LRP1B: variants seen among roughly 807,000 people sequenced by gnomAD.
The protein encoded by LRP1B is low-density lipoprotein receptor-related protein 1B.
LRP1B carries 217 observed loss-of-function variants against 556.6 expected under a neutral mutation model. The observed-to-expected ratio is 0.39, with a 90% CI of 0.35 to 0.44. The LOEUF is 0.44. Among genes scored for constraint, LRP1B ranks in the 20% least tolerant of loss-of-function variants. The probability of loss-of-function intolerance (pLI) is 1.00; values close to 1 mark genes in which losing one functional copy is unlikely to be tolerated. For synonymous variants in LRP1B, 2,047 were observed against 1,865.8 expected, an observed-to-expected ratio of 1.10 and a Z score of -2.50; for missense variants, 5,053 against 5,620.8, an observed-to-expected ratio of 0.90 and a Z score of 3.23.
chr2:140,430,240 G>C (rs11903109), intron 66 of LRP1B, among the ~76,000 whole-genome samples: 34,341 of 152,010 alleles, frequency 0.23, 4,202 homozygotes, highest in African/African-American at 0.3. Flanking sequence ...TCTCAGCAAG[G>C]TGAACTAGTT....
intron 83 of LRP1B, 69 bp downstream of exon 83, chr2:140,314,866 A>G: frequency 8.9e-7 from 1 of 1,122,504 alleles, no homozygotes; most frequent in Non-Finnish European, 1.3e-6. Flanking sequence ...TTGTAACATT[A>G]AGCATTTTCG....
intron 21 of LRP1B, among the ~76,000 whole-genome samples, chr2:140,920,092 T>C (rs1694693293): frequency 6.6e-6 from 1 of 152,034 alleles, no homozygotes; most frequent in African/African-American, 2.4e-5. Context: ...CCCGGTACCT[T>C]GCGATCACTA....
chr2:141,450,571 AT>A (rs985830837), intron 3 of LRP1B, among the ~76,000 whole-genome samples: 13 of 151,062 alleles, frequency 8.6e-5, no homozygotes, highest in African/African-American at 3.2e-4. Flanking sequence ...AAGATGCCAT[AT>A]TTTAAAAAAA....
intron 59 of LRP1B, among the ~76,000 whole-genome samples, chr2:140,483,164 T>G (rs1484404592): frequency 6.6e-6 from 1 of 152,146 alleles, no homozygotes; most frequent in African/African-American, 2.4e-5. Context: ...ACCTTTTTCT[T>G]TGGTTATAAT....
chr2:140,673,047 C>A (rs1382472823), intron 41 of LRP1B, among the ~76,000 whole-genome samples: 1 of 152,170 alleles, frequency 6.6e-6, no homozygotes, highest in Non-Finnish European at 1.5e-5. Context: ...GTGTCATTTG[C>A]AATCTGGACA....
At chr2:140,343,380 T>C (rs1247916281) in intron 77 of LRP1B, among the ~76,000 whole-genome samples, 1 of 151,746 alleles carries the variant, frequency 6.6e-6, no homozygotes, top group East Asian at 1.9e-4. Flanking sequence ...TAATCTCGCA[T>C]TTTCACTTCA....
At chr2:140,780,777 A>T (rs1223892860) in intron 32 of LRP1B, among the ~76,000 whole-genome samples, 1 of 152,204 alleles carries the variant, frequency 6.6e-6, no homozygotes, top group East Asian at 1.9e-4. Flanking sequence ...AATAAAAAAA[A>T]GATTTTTCTG....
intron 35 of LRP1B, among the ~76,000 whole-genome samples, chr2:140,765,278 G>A (rs1689062341): frequency 6.6e-6 from 1 of 152,212 alleles, no homozygotes; most frequent in Non-Finnish European, 1.5e-5. Flanking sequence ...TAAGTGTGAA[G>A]TTTTACAGAT....
Position 141,049,098 on chromosome 2 carries a change from A to C in LRP1B, c.1677T>G (p.Arg559=). The part of the protein sequence containing the change: ...MIPIENLVNP[R]ALDFHAETNY... Reference sequence around the variant, plus strand: ...TGGTTTCTGCGTGAAAGTCTAAAGCACGAGGGTTTACCAGATTTTCTATGG... The same window carrying C: ...TGGTTTCTGCGTGAAAGTCTAAAGCCCGAGGGTTTACCAGATTTTCTATGG... Residue 559 remains arginine, a synonymous_variant, in exon 11 of 91, where the codon CGT becomes CGG. Transcript: ENST00000389484. 1.2e-6 allele frequency: 2 copies of C among 1,613,548 alleles called. No individual in the cohort carries two copies. The highest frequency in any genetic ancestry group is 1.7e-6 in the Non-Finnish European group (2 of 1,179,678).
In LRP1B at chr2:141,530,016, A is replaced by G. The variant is rs557494192; in HGVS notation, c.206-49483T>C. Among the ~76,000 whole-genome samples, 8 of 152,306 alleles carry G rather than the reference A, an allele frequency of 5.3e-5. No homozygotes were observed. In the South Asian group the frequency reaches 1.0e-3, roughly 20 times the overall value. Reference sequence around the variant, plus strand: ...ATCATTTAAACTATCACTGAATAAAAGGGAGTTATTGTGAACGATTAAGGT... The same window carrying G: ...ATCATTTAAACTATCACTGAATAAAGGGGAGTTATTGTGAACGATTAAGGT... On this transcript the variant is annotated intron_variant, in intron 2 of 90. Coordinates refer to ENST00000389484, the MANE Select transcript of LRP1B (RefSeq NM_018557.3).
intron 82 of LRP1B, among the ~76,000 whole-genome samples, chr2:140,321,168 T>C (rs1680099041): frequency 6.6e-6 from 1 of 152,012 alleles, no homozygotes; most frequent in African/African-American, 2.4e-5. Context: ...AGGTAACTTA[T>C]TTATTGTCAG....
At chr2:140,388,182 C>T (rs1375707810) in intron 66 of LRP1B, among the ~76,000 whole-genome samples, 1 of 152,162 alleles carries the variant, frequency 6.6e-6, no homozygotes, top group African/African-American at 2.4e-5. Flanking sequence ...GGTGATCCGC[C>T]AGTCTCAGCC....
intron 7 of LRP1B, among the ~76,000 whole-genome samples, chr2:141,148,104 C>T (rs577778659): frequency 3.5e-4 from 54 of 152,128 alleles, no homozygotes; most frequent in Non-Finnish European, 6.5e-4. Context: ...ATTAAGCATG[C>T]GTGACTGTAG....
chr2:141,861,929 CA>C (rs532228489), intron 1 of LRP1B, among the ~76,000 whole-genome samples: 15 of 141,338 alleles, frequency 1.1e-4, no homozygotes, highest in Admixed American at 2.9e-4. Flanking sequence ...GACTCCATCT[CA>C]AAAAAAAAAG....
At chr2:141,697,272 G>T (rs1574254628) in intron 2 of LRP1B, among the ~76,000 whole-genome samples, 1 of 151,816 alleles carries the variant, frequency 6.6e-6, no homozygotes, top group East Asian at 1.9e-4. Context: ...ACTTAAAAAT[G>T]AATGTGTACT....
chr2:141,439,806 AAAGAT>A (rs1232371510), intron 3 of LRP1B, among the ~76,000 whole-genome samples: 2 of 152,216 alleles, frequency 1.3e-5, no homozygotes, highest in Non-Finnish European at 2.9e-5. Context: ...CATAGTAATT[AAAGAT>A]GTTTTTTTAA....
chr2:141,406,446 T>C (rs569263153), intron 3 of LRP1B, among the ~76,000 whole-genome samples: 56 of 151,932 alleles, frequency 3.7e-4, no homozygotes, highest in African/African-American at 1.3e-3. Context: ...AGGCAAAATA[T>C]GAAGAATTTT....
chr2:141,386,586 G>A (rs946250495), intron 3 of LRP1B, among the ~76,000 whole-genome samples: 1 of 151,862 alleles, frequency 6.6e-6, no homozygotes, highest in Non-Finnish European at 1.5e-5. Context: ...AACATCAAAC[G>A]AATTAGACTT....
intron 77 of LRP1B, among the ~76,000 whole-genome samples, chr2:140,350,402 A>G (rs1217334780): frequency 2.0e-5 from 3 of 152,050 alleles, no homozygotes; most frequent in Non-Finnish European, 4.4e-5. Context: ...ATGATAATGT[A>G]AGAAGAGAAA....
Sources: gnomAD v4.1 joint callset for allele counts (sites outside exome capture counted in the v4.1 genomes callset) on GRCh38, gnomAD v4.1.1 for gene constraint, MANE v1.5 for transcripts, NCBI Gene and HGNC (gene_info 2026-07-23, HGNC 2026-07-21) for gene names.